The following MRPL37 variants were observed in gnomAD, a reference collection of about 807,000 sequenced individuals.
MRPL37 encodes the protein mitochondrial ribosomal protein L37, also known as large ribosomal subunit protein mL37.
In MRPL37, 34 loss-of-function variants were observed where a neutral mutation model predicts 44.1. That is an observed-to-expected ratio of 0.77 (90% confidence interval 0.59 to 1.03). The LOEUF (loss-of-function observed/expected upper bound fraction) is 1.03, where lower values mean the gene tolerates loss of function less well. Ranked by LOEUF, MRPL37 falls within the 50% of genes least tolerant of loss-of-function variation. MRPL37 has a pLI of 0.00. For synonymous variants in MRPL37, 212 were observed against 219.5 expected, an observed-to-expected ratio of 0.97 and a Z score of 0.30; for missense variants, 532 against 543.7, an observed-to-expected ratio of 0.98 and a Z score of 0.21.
In MRPL37 at chr1:54,216,327, A is replaced by G; in HGVS notation, c.1177A>G (p.Lys393Glu). The part of the protein sequence containing the change: ...YQHFWCLPVI[K>E]KRVVVEPVGP... The stretch of plus-strand genomic sequence containing the variant: ...GCATTTTTGGTGTCTCCCAGTGATC[A>G]AAAAGAGAGTGGTTGTGGTAAGTTG... The change falls in exon 6 of 7, where the codon AAA (lysine) becomes GAA (glutamate). Residue 393 changes from lysine (K) to glutamate (E), a missense_variant. By Grantham distance (56) the Lys-to-Glu change is moderately conservative (BLOSUM62 1). Coordinates refer to ENST00000360840, the MANE Select transcript of MRPL37 (RefSeq NM_016491.4). 4.3e-6 allele frequency: 7 copies of G among 1,614,016 alleles called. No homozygotes were observed. Among genetic ancestry groups the G allele is most frequent in the Non-Finnish European group, 5.1e-6 (6 of 1,180,008 alleles).
At chr1:54,205,230 C>A in intron 2 of MRPL37, 29 bp downstream of exon 2, 1 of 1,608,200 alleles carries the variant, frequency 6.2e-7, no homozygotes, top group Non-Finnish European at 8.5e-7. Context: ...AGAAGATTTC[C>A]TACTAATGGA....
chr1:54,201,572 A>T (rs1485465359), intron 1 of MRPL37, among the ~76,000 whole-genome samples: 1 of 152,220 alleles, frequency 6.6e-6, no homozygotes, highest in Non-Finnish European at 1.5e-5. Context: ...TGTGTATCCT[A>T]TGTTTTTGCT....
Position 54,200,408 on chromosome 1 carries a change from G to T in MRPL37, c.165G>T (p.Leu55=). The change falls in exon 1 of 7, where the codon CTG becomes CTT. Residue 55 remains leucine (L), a synonymous_variant. Transcript: ENST00000360840. Reference sequence around the variant, plus strand: ...ATAGGGTGTACGAGATCCCTGGACTGGAGCCCATCACCTTTGCGGGGAAGA... The same window carrying T: ...ATAGGGTGTACGAGATCCCTGGACTTGAGCCCATCACCTTTGCGGGGAAGA... The part of the protein sequence containing the change: ...PLDRVYEIPG[L]EPITFAGKMH... 6.2e-7 allele frequency: 1 copy of T among 1,614,234 alleles called. No individual in the cohort carries two copies. Among genetic ancestry groups the T allele is most frequent in the East Asian group, 2.2e-5 (1 of 44,866 alleles).
At chr1:54,223,057 C>T (rs2100522472), downstream of MRPL37, among the ~76,000 whole-genome samples, 1 of 152,334 alleles carries the variant, frequency 6.6e-6, no homozygotes, top group South Asian at 2.1e-4. Flanking sequence ...GGCTGAATTC[C>T]AGAAACCAGA....
downstream of MRPL37, among the ~76,000 whole-genome samples, chr1:54,224,829 C>A (rs1472844731): frequency 6.6e-6 from 1 of 152,206 alleles, no homozygotes; most frequent in Non-Finnish European, 1.5e-5. Flanking sequence ...ATCTTGCCAG[C>A]CCCACCTGAT....
intron 5 of MRPL37, among the ~76,000 whole-genome samples, chr1:54,214,012 A>G (rs749361313): frequency 3.3e-5 from 5 of 152,190 alleles, no homozygotes; most frequent in Non-Finnish European, 7.3e-5. Context: ...GCGAAACCCC[A>G]TCTCTACTAA....
chr1:54,210,402 T>C (rs35662692), intron 4 of MRPL37, among the ~76,000 whole-genome samples: 1,606 of 152,308 alleles, frequency 0.011, 46 homozygotes, highest in Admixed American at 0.053. Context: ...TCAGAGTGGC[T>C]TGAGGGACTT....
chr1:54,213,786 G>A (rs563931114), intron 5 of MRPL37, among the ~76,000 whole-genome samples: 25 of 152,330 alleles, frequency 1.6e-4, no homozygotes, highest in Admixed American at 1.3e-3. Context: ...GGTGGCTCAC[G>A]CCTGTAATCC....
downstream of MRPL37, among the ~76,000 whole-genome samples, chr1:54,221,170 G>A (rs929553587): frequency 3.3e-5 from 5 of 152,192 alleles, no homozygotes; most frequent in African/African-American, 1.2e-4. Context: ...AGGTGGAAAG[G>A]TGGACTTGCT....
intron 5 of MRPL37, 97 bp downstream of exon 5, chr1:54,212,755 T>C: frequency 1.3e-6 from 2 of 1,517,794 alleles, no homozygotes; most frequent in Non-Finnish European, 8.9e-7. Context: ...ATAGGGGAAC[T>C]GATTTCTTGA....
downstream of MRPL37, among the ~76,000 whole-genome samples, chr1:54,223,153 C>T (rs1644246743): frequency 6.6e-6 from 1 of 152,232 alleles, no homozygotes; most frequent in South Asian, 2.1e-4. Flanking sequence ...TTGGTCTGAT[C>T]TTTTACATCC....
downstream of MRPL37, among the ~76,000 whole-genome samples, chr1:54,224,617 G>A (rs1322098952): frequency 6.6e-6 from 1 of 152,170 alleles, no homozygotes; most frequent in Non-Finnish European, 1.5e-5. Flanking sequence ...CATGGGCTGA[G>A]CCTGCCCTTT....
rs774383463 is a variant in MRPL37 at position 54,205,149 on chromosome 1, C to T, written c.478C>T (p.His160Tyr). The T allele has an allele frequency of 5.6e-6, 9 of 1,614,092 alleles. No homozygotes were observed. Among genetic ancestry groups the T allele is most frequent in the Middle Eastern group, 1.6e-4 (1 of 6,084 alleles). The change falls in exon 2 of 7, where the codon CAC (histidine) becomes TAC (tyrosine). Residue 160 changes from histidine (H) to tyrosine (Y), a missense_variant. His to Tyr is a moderately conservative substitution (Grantham distance 83). Coordinates refer to ENST00000360840, the MANE Select transcript of MRPL37 (RefSeq NM_016491.4). ...QDECVLNVIS[H>Y]ARLWQTTEEI... The stretch of plus-strand genomic sequence containing the variant: ...CGAGTGCGTTCTGAATGTGATCTCT[C>T]ACGCCCGTCTCTGGCAGACCACTGA...
chr1:54,203,007 C>T (rs748241485), intron 1 of MRPL37, among the ~76,000 whole-genome samples: 2 of 152,142 alleles, frequency 1.3e-5, no homozygotes, highest in Non-Finnish European at 2.9e-5. Context: ...CATGTTCCTC[C>T]CTTAGAGAAG....
Position 54,210,031 on chromosome 1 carries a change from G to A in MRPL37, c.732G>A (p.Glu244=). ...TGCCCACCATCGCCTCCAGAGAGGA[G>A]ATTGAAGCTACTAAGAATCATGTTC... ...DPLPTIASRE[E]IEATKNHVLE... The change falls in exon 4 of 7, where the codon GAG becomes GAA. Residue 244 remains glutamate, a synonymous_variant. Transcript: ENST00000360840. 6.2e-7 allele frequency: 1 copy of A among 1,614,208 alleles called. No homozygotes were observed. Among genetic ancestry groups the A allele is most frequent in the Non-Finnish European group, 8.5e-7 (1 of 1,180,044 alleles).
intron 5 of MRPL37, among the ~76,000 whole-genome samples, chr1:54,213,089 AATAGAG>A (rs1644175785): frequency 6.6e-6 from 1 of 152,210 alleles, no homozygotes; most frequent in Admixed American, 6.5e-5. Flanking sequence ...GAAGTGGAGC[AATAGAG>A]ATGGCCAAGC....
intron 4 of MRPL37, 119 bp downstream of exon 4, chr1:54,210,250 C>G (rs1644154749): frequency 1.1e-6 from 1 of 932,324 alleles, no homozygotes; most frequent in Non-Finnish European, 1.6e-6. Context: ...TATTACCTAT[C>G]TCCTAGGATC....
chr1:54,220,844 C>T (rs1420577046), downstream of MRPL37: 1 of 466,488 alleles, frequency 2.1e-6, no homozygotes, highest in Non-Finnish European at 4.5e-6. Context: ...CAGCAGCAGA[C>T]TTTTGGAAAT....
At position 54,218,163 on chromosome 1, in the gene MRPL37, T is replaced by C; in HGVS notation, c.1195-9T>C. 1 of 1,612,306 alleles carries C rather than the reference T, an allele frequency of 6.2e-7. No homozygotes were observed. Among genetic ancestry groups the C allele is most frequent in the Non-Finnish European group, 8.5e-7 (1 of 1,178,352 alleles). ...GTAGCAGGATCCTAATGAACCGTGT[T>C]CTTTCCAGGAACCTGTTGGCCCAGT... On this transcript the variant is annotated splice_polypyrimidine_tract_variant and intron_variant, in intron 6 of 6. Transcript: ENST00000360840.
Sources: allele counts gnomAD v4.1 joint callset (sites outside exome capture counted in the v4.1 genomes callset), GRCh38; gene constraint gnomAD v4.1.1; transcripts MANE v1.5; gene names NCBI Gene and HGNC (gene_info 2026-07-23, HGNC 2026-07-21).